The following NIBAN2 variants were observed in gnomAD, a reference collection of about 807,000 sequenced individuals.
NIBAN2 encodes the protein niban apoptosis regulator 2.
In NIBAN2, 36 loss-of-function variants were observed where a neutral mutation model predicts 81.8. The ratio of observed to expected loss-of-function variants is 0.44; its 90% CI spans 0.34 to 0.58. NIBAN2 has a LOEUF of 0.58. Ranked by LOEUF, NIBAN2 falls within the 20% of genes least tolerant of loss-of-function variation. NIBAN2 has a pLI of 0.02. For synonymous variants in NIBAN2, 445 were observed against 441.6 expected (o/e 1.01, Z -0.10); for missense variants, 897 against 1,014.1 (o/e 0.88, Z 1.57).
chr9:127,555,753 G>A (rs1457291234), intron 1 of NIBAN2, among the ~76,000 whole-genome samples: 1 of 152,232 alleles, frequency 6.6e-6, no homozygotes, highest in Non-Finnish European at 1.5e-5. Flanking sequence ...GGAGATCCCA[G>A]GACACGTGAG....
intron 3 of NIBAN2, among the ~76,000 whole-genome samples, chr9:127,526,872 G>C (rs918169584): frequency 2.6e-5 from 4 of 152,202 alleles, no homozygotes; most frequent in African/African-American, 7.2e-5. Context: ...GAGGAAGGAG[G>C]TGGCAGGAGG....
rs535156596 is a variant in NIBAN2, at chr9:127,565,917, T to A, written c.55+2903A>T. 3.4e-5 allele frequency among the ~76,000 whole-genome samples: 5 copies of A among 146,956 alleles called. No individual in the cohort carries two copies. In the South Asian group the frequency reaches 1.1e-3, roughly 32 times the overall value. On this transcript the variant is annotated intron_variant, in intron 1 of 13. Coordinates refer to ENST00000373312, the MANE Select transcript of NIBAN2 (RefSeq NM_022833.4). ...GAGTTCAAGACCAACCTGGGCAACATAGGGAGACCCTGTCTCTCTCTCTCT... is the reference window on the plus strand; with the variant it reads ...GAGTTCAAGACCAACCTGGGCAACAAAGGGAGACCCTGTCTCTCTCTCTCT...
At chr9:127,527,895 A>T (rs1211209905) in intron 2 of NIBAN2, among the ~76,000 whole-genome samples, 1 of 149,962 alleles carries the variant, frequency 6.7e-6, no homozygotes, top group Non-Finnish European at 1.5e-5. Flanking sequence ...CCTTCCTAAA[A>T]AGGAGTAGGG....
Position 127,542,025 on chromosome 9 carries a change from G to A in NIBAN2, c.56-10247C>T, listed in dbSNP as rs1159254480. On this transcript the variant is annotated intron_variant, in intron 1 of 13. Transcript: ENST00000373312. ...GCCAGGCCACTCCCGTCCTGTGCCCGCCGCAGCCACTGAAGTCCTGCCTAC... is the reference window on the plus strand; with the variant it reads ...GCCAGGCCACTCCCGTCCTGTGCCCACCGCAGCCACTGAAGTCCTGCCTAC... Among the ~76,000 whole-genome samples the A allele has an allele frequency of 2.6e-5, 4 of 152,090 alleles. No homozygotes were observed. In the East Asian group the frequency reaches 7.7e-4, roughly 29 times the overall value.
Position 127,523,762 on chromosome 9 carries a change from T to C in NIBAN2, c.506A>G (p.His169Arg). 6.2e-7 allele frequency: 1 copy of C among 1,614,098 alleles called. No homozygotes were observed. The highest frequency in any genetic ancestry group is 8.5e-7 in the Non-Finnish European group (1 of 1,180,000). ...PLILWHPYAR[H>R]YYFCMMTEAE... is the part of the protein sequence containing the mutation. ...TTCTGTCATCATGCAGAAGTAGTAGTGACGCGCATAAGGATGCCAGAGGAT... is the reference window on the plus strand; with the variant it reads ...TTCTGTCATCATGCAGAAGTAGTAGCGACGCGCATAAGGATGCCAGAGGAT... Residue 169 changes from histidine to arginine, a missense_variant, in exon 5 of 14, where the codon CAC (histidine) becomes CGC (arginine). By Grantham distance (29) the His-to-Arg change is conservative. This residue lies in a region of NIBAN2 where 69 missense variants were observed against 114.7 expected (regional missense o/e 0.60). Coordinates refer to ENST00000373312, the MANE Select transcript of NIBAN2 (RefSeq NM_022833.4).
chr9:127,534,593 C>T (rs1377843691), intron 1 of NIBAN2, among the ~76,000 whole-genome samples: 2 of 152,088 alleles, frequency 1.3e-5, no homozygotes, highest in African/African-American at 4.8e-5. Flanking sequence ...ACACCCCGGG[C>T]CCTGCCTCAG....
intron 1 of NIBAN2, among the ~76,000 whole-genome samples, chr9:127,535,094 C>T (rs2132194722): frequency 6.6e-6 from 1 of 152,334 alleles, no homozygotes; most frequent in South Asian, 2.1e-4. Flanking sequence ...GCAGGATGGG[C>T]AGGCTTGGGC....
chr9:127,530,301 C>G (rs1837153802), intron 2 of NIBAN2, among the ~76,000 whole-genome samples: 1 of 152,240 alleles, frequency 6.6e-6, no homozygotes, highest in South Asian at 2.1e-4. Flanking sequence ...GACACACGGT[C>G]CTGACCTCCC....
upstream of NIBAN2, chr9:127,569,114 C>A (rs1479709219): frequency 3.2e-4 from 326 of 1,005,220 alleles, 1 homozygote; most frequent in Middle Eastern, 3.4e-3. Context: ...CGGCGCCCCG[C>A]TCCGCCCCAC....
At chr9:127,543,350 G>A (rs1837415927) in intron 1 of NIBAN2, among the ~76,000 whole-genome samples, 1 of 152,184 alleles carries the variant, frequency 6.6e-6, no homozygotes, top group African/African-American at 2.4e-5. Context: ...CCCCGATCAA[G>A]ACAGAGGCTG....
chr9:127,564,015 G>C (rs993526583), intron 1 of NIBAN2, among the ~76,000 whole-genome samples: 4 of 151,796 alleles, frequency 2.6e-5, no homozygotes, highest in African/African-American at 9.7e-5. Context: ...GACCCAGGCA[G>C]GGCATGGTGG....
intron 9 of NIBAN2, 47 bp from the exon 10 acceptor site, chr9:127,509,178 C>A: frequency 6.5e-7 from 1 of 1,545,582 alleles, no homozygotes. Flanking sequence ...GCCCTGTGGC[C>A]AGGCAGCACC....
At chr9:127,513,602 G>A (rs1012049348) in intron 8 of NIBAN2, among the ~76,000 whole-genome samples, 4 of 152,242 alleles carry the variant, frequency 2.6e-5, no homozygotes, top group Middle Eastern at 3.4e-3. Flanking sequence ...CTACACTCCC[G>A]CCAGCACCAT....
intron 1 of NIBAN2, among the ~76,000 whole-genome samples, chr9:127,555,311 C>T (rs1334076008): frequency 6.6e-6 from 1 of 152,190 alleles, no homozygotes; most frequent in Non-Finnish European, 1.5e-5. Context: ...GGACGACCAC[C>T]CTTACCAGCC....
At chr9:127,575,441 T>C (rs1837997564) in intron 1 of NIBAN2, among the ~76,000 whole-genome samples, 1 of 151,624 alleles carries the variant, frequency 6.6e-6, no homozygotes, top group South Asian at 2.1e-4. Flanking sequence ...TTGGCCAGGA[T>C]GGTCTTGAAC....
intron 1 of NIBAN2, among the ~76,000 whole-genome samples, chr9:127,565,034 T>C (rs1481560283): frequency 6.6e-6 from 1 of 152,122 alleles, no homozygotes; most frequent in East Asian, 1.9e-4. Flanking sequence ...CCTCCTAAAT[T>C]GTTTGTACAT....
At position 127,568,813 on chromosome 9, in the gene NIBAN2, C is replaced by T; in HGVS notation, c.55+7G>A. On this transcript the variant is annotated splice_region_variant and intron_variant, in intron 1 of 13. Transcript: ENST00000373312. ...CCTGGGCGCGCGTGGCGCGGCGCGA[C>T]CCTCACCTGCGATGTGCTGGCGCCG... The T allele has an allele frequency of 7.4e-7, 1 of 1,347,436 alleles. No individual in the cohort carries two copies. The highest frequency in any genetic ancestry group is 9.6e-7 in the Non-Finnish European group (1 of 1,045,212). The allele number at this position is 1,347,436 out of a possible 1,614,324, so 83.5% of individuals were successfully genotyped here. A position where few individuals can be genotyped will look rare whatever the true frequency, so the allele number is the denominator to read the frequency against.
intron 8 of NIBAN2, among the ~76,000 whole-genome samples, chr9:127,512,222 A>G (rs530320359): frequency 6.6e-6 from 1 of 151,654 alleles, no homozygotes; most frequent in Non-Finnish European, 1.5e-5. Context: ...TCATGCCTGC[A>G]TTGAGTTGTC....
chr9:127,507,396 G>A lies in NIBAN2; in HGVS notation c.1690C>T (p.Leu564Phe). 1 of 1,519,120 alleles carries A rather than the reference G, an allele frequency of 6.6e-7. No individual in the cohort carries two copies. Among genetic ancestry groups the A allele is most frequent in the South Asian group, 1.3e-5 (1 of 75,972 alleles). 94.1% of individuals were successfully genotyped at this position (1,519,120 alleles called of 1,614,324 possible). ...KEAAVQRKHNLYRDSMVMHNS... is the reference protein window; with the variant it reads ...KEAAVQRKHNFYRDSMVMHNS... ...TGCATGACCATGCTGTCCCGGTAGA[G>A]GTTGTGCTTCCTCTGCACCGCGGCC... Residue 564 changes from leucine to phenylalanine, a missense_variant, in exon 14 of 14, where the codon CTC becomes TTC. By Grantham distance (22) the Leu-to-Phe change is conservative. This residue lies in a region of NIBAN2 where 619 missense variants were observed against 691.0 expected (regional missense o/e 0.90). Coordinates refer to ENST00000373312, the MANE Select transcript of NIBAN2 (RefSeq NM_022833.4). The surrounding 1 kb of genome is among the most constrained non-coding windows in gnomAD (Gnocchi z 6.8).
Sources: gnomAD v4.1 joint callset for allele counts (sites outside exome capture counted in the v4.1 genomes callset) on GRCh38, gnomAD v4.1.1 for gene constraint, gnomAD v4.1.1 regional missense constraint, Gnocchi (gnomAD v3.1) non-coding constraint, MANE v1.5 for transcripts, NCBI Gene and HGNC (gene_info 2026-07-23, HGNC 2026-07-21) for gene names.